The following THADA variants were observed in gnomAD, a reference collection of about 807,000 sequenced individuals.
THADA encodes THADA armadillo repeat containing.
Under a neutral mutation model 219.8 loss-of-function variants are expected in THADA, and 213 were observed. The observed-to-expected ratio is 0.97, with a 90% CI of 0.87 to 1.09. The LOEUF (loss-of-function observed/expected upper bound fraction) is 1.09. Ranked by LOEUF, THADA falls within the 50% of genes least tolerant of loss-of-function variation. The pLI is 0.00. For synonymous variants in THADA, 1,018 were observed against 828.9 expected (o/e 1.23, Z -3.92); for missense variants, 2,956 against 2,311.3 (o/e 1.28, Z -5.72).
Position 43,231,216 on chromosome 2 carries a change from G to T in THADA, c.5594C>A (p.Pro1865His). The T allele has an allele frequency of 6.2e-7, 1 of 1,613,858 alleles. No individual in the cohort carries two copies. The highest frequency in any genetic ancestry group is 1.1e-5 in the South Asian group (1 of 91,034). Residue 1865 changes from proline to histidine, a missense_variant, in exon 38 of 38, where the codon CCT becomes CAT. By Grantham distance (77) the Pro-to-His change is moderately conservative. Coordinates refer to ENST00000405975, the MANE Select transcript of THADA (RefSeq NM_022065.5). ...CCTTTGAAGGTGACAGAGCATCTCA[G>T]GGCTTGGGGGACGCCAGCCGGACTT... ...LSKSGWRPPS[P>H]EMLCHLQRMV...
intron 22 of THADA, among the ~76,000 whole-genome samples, chr2:43,519,400 G>T (rs1162948138): frequency 6.6e-6 from 1 of 152,058 alleles, no homozygotes; most frequent in Non-Finnish European, 1.5e-5. Flanking sequence ...CAGTGCTTTA[G>T]AATGAAAATA....
chr2:43,493,898 C>A (rs1404257014), intron 25 of THADA, among the ~76,000 whole-genome samples: 1 of 152,182 alleles, frequency 6.6e-6, no homozygotes, highest in Admixed American at 6.5e-5. Context: ...CTCTTGCTAT[C>A]TTACAATCAA....
intron 36 of THADA, 48 bp from the exon 37 acceptor site, chr2:43,232,930 G>A (rs758513280): frequency 3.2e-6 from 5 of 1,546,858 alleles, no homozygotes; most frequent in East Asian, 2.4e-5. Flanking sequence ...GCTCAGGGCC[G>A]ACCCCAGGGC....
rs779617468 is a variant in THADA at position 43,485,184 on chromosome 2, C to T, written c.3836+50G>A. Reference sequence around the variant, plus strand: ...TTTCAAAATTTGTTTTTGGCCAGGACAATATTGTATTTTTTAAAAAAAGTA... The same window carrying T: ...TTTCAAAATTTGTTTTTGGCCAGGATAATATTGTATTTTTTAAAAAAAGTA... On this transcript the variant is annotated intron_variant, in intron 26 of 37. Transcript: ENST00000405975. The T allele has an allele frequency of 4.2e-6, 6 of 1,434,860 alleles. No homozygotes were observed. The South Asian group carries it at 4.7e-5, about 11-fold the overall frequency. The allele number at this position is 1,434,860 out of a possible 1,614,324, so 88.9% of individuals were successfully genotyped here.
At chr2:43,520,062 T>C (rs183747085) in intron 22 of THADA, among the ~76,000 whole-genome samples, 1 of 152,322 alleles carries the variant, frequency 6.6e-6, no homozygotes, top group East Asian at 1.9e-4. Context: ...GTTGTTTGTT[T>C]TGGTTCTTCA....
In THADA at chr2:43,423,083, T is replaced by C. The variant is rs569547010; in HGVS notation, c.4058+5017A>G. On this transcript the variant is annotated intron_variant, in intron 28 of 37. Transcript: ENST00000405975. ...TAAGAACACATCACAAATAAAATTG[T>C]AGCTTCTAGTACATGGCTCCTCAAT... 1.1e-3 allele frequency among the ~76,000 whole-genome samples: 166 copies of C among 152,304 alleles called. 1 individual carries two copies. Among genetic ancestry groups the C allele is most frequent in the African/African-American group, 3.9e-3 (163 of 41,580 alleles).
At chr2:43,461,905 C>T (rs193030316) in intron 26 of THADA, among the ~76,000 whole-genome samples, 156 of 152,334 alleles carry the variant, frequency 1.0e-3, no homozygotes, top group Non-Finnish European at 1.8e-3. Context: ...GGCAACACAA[C>T]GGTGTTAGTT....
At chr2:43,239,752 C>A (rs1668424446) in intron 36 of THADA, among the ~76,000 whole-genome samples, 1 of 152,238 alleles carries the variant, frequency 6.6e-6, no homozygotes, top group South Asian at 2.1e-4. Context: ...CTCCCTGCCC[C>A]TAGCTCTGGA....
At chr2:43,498,769 A>C in intron 25 of THADA, 64 bp downstream of exon 25, 1 of 1,490,256 alleles carries the variant, frequency 6.7e-7, no homozygotes, top group Non-Finnish European at 9.0e-7. Context: ...GTGAAAGATT[A>C]GTTTATTAAA....
chr2:43,591,884 AT>A (rs1200744004), intron 3 of THADA, 67 bp downstream of exon 3: 25 of 1,110,914 alleles, frequency 2.3e-5, no homozygotes, highest in Middle Eastern at 2.3e-4. Flanking sequence ...ACTGTCAGTG[AT>A]TTTTTTTAAA....
At chr2:43,407,117 T>G (rs1009158498) in intron 28 of THADA, among the ~76,000 whole-genome samples, 1 of 152,196 alleles carries the variant, frequency 6.6e-6, no homozygotes, top group African/African-American at 2.4e-5. Context: ...TCCTTTGGTG[T>G]TGACTGCTCA....
At chr2:43,300,559 G>C (rs1356063143) in intron 31 of THADA, among the ~76,000 whole-genome samples, 1 of 152,152 alleles carries the variant, frequency 6.6e-6, no homozygotes, top group East Asian at 1.9e-4. Context: ...GCTTTCAAGA[G>C]GCAACACAAT....
chr2:43,561,693 A>C (rs1050555832), intron 15 of THADA, among the ~76,000 whole-genome samples: 14 of 151,674 alleles, frequency 9.2e-5, no homozygotes, highest in Non-Finnish European at 1.3e-4. Context: ...TTCCTTAACA[A>C]CTCTGCTCAG....
rs1057038891 is a variant in THADA, at chr2:43,475,367, C to T, written c.3836+9867G>A. Among the ~76,000 whole-genome samples, 62 of 146,798 alleles carry T rather than the reference C, an allele frequency of 4.2e-4. 1 individual carries two copies. Among genetic ancestry groups the T allele is most frequent in the Middle Eastern group, 3.5e-3 (1 of 284 alleles). ...CCAGCAGGCAGAGGTTGCAGTGAGC[C>T]AAGGTTGTGCCAGCCACTGCACTCC... On this transcript the variant is annotated intron_variant, in intron 26 of 37. Coordinates refer to ENST00000405975, the MANE Select transcript of THADA (RefSeq NM_022065.5).
chr2:43,537,879 G>A (rs1468906342), intron 21 of THADA, among the ~76,000 whole-genome samples: 1 of 148,038 alleles, frequency 6.8e-6, no homozygotes, highest in African/African-American at 2.5e-5. Context: ...GGTTGAGGCT[G>A]AAGTGAGTCA....
At chr2:43,402,651 C>A (rs1167546481) in intron 28 of THADA, among the ~76,000 whole-genome samples, 1 of 152,210 alleles carries the variant, frequency 6.6e-6, no homozygotes, top group Non-Finnish European at 1.5e-5. Flanking sequence ...CCTAGCACAG[C>A]ACACACTTGG....
intron 12 of THADA, 133 bp downstream of exon 12, chr2:43,572,681 A>C: frequency 1.5e-6 from 1 of 681,910 alleles, no homozygotes. Context: ...TAGTTGGGAG[A>C]CTAGGGTTTC....
intron 16 of THADA, among the ~76,000 whole-genome samples, chr2:43,559,589 G>A (rs1697812482): frequency 6.6e-6 from 1 of 152,192 alleles, no homozygotes; most frequent in Non-Finnish European, 1.5e-5. Flanking sequence ...AGAGCTAAGA[G>A]CCAGGGTCTG....
chr2:43,320,386 G>T, intron 31 of THADA, 60 bp downstream of exon 31: 3 of 1,314,854 alleles, frequency 2.3e-6, no homozygotes, highest in Non-Finnish European at 3.2e-6. Context: ...CACTCAAAAC[G>T]CCATCCACAT....
Sources: gnomAD v4.1 joint callset for allele counts (sites outside exome capture counted in the v4.1 genomes callset) on GRCh38, gnomAD v4.1.1 for gene constraint, MANE v1.5 for transcripts, NCBI Gene and HGNC (gene_info 2026-07-23, HGNC 2026-07-21) for gene names.